Variants in USP50 observed in about 807,000 individuals in gnomAD.
The protein encoded by USP50 is ubiquitin carboxyl-terminal hydrolase 50.
In USP50, 37 loss-of-function variants were observed where a neutral mutation model predicts 39.2. That is an observed-to-expected ratio of 0.94 (90% CI 0.73 to 1.24). USP50 has a LOEUF of 1.24. Ranked by LOEUF, USP50 falls within the 50% of genes most tolerant of loss-of-function variation. The probability of loss-of-function intolerance (pLI) is 0.00; values close to 1 mark genes in which losing one functional copy is unlikely to be tolerated. For missense variants in USP50, 374 were observed against 398.2 expected (o/e 0.94, Z 0.52); for synonymous variants, 139 against 144.5 (o/e 0.96, Z 0.27).
intron 6 of USP50, among the ~76,000 whole-genome samples, chr15:50,522,563 G>A (rs1001077806): frequency 1.1e-4 from 17 of 152,182 alleles, no homozygotes; most frequent in Admixed American, 1.1e-3. Context: ...AGCCAGACAA[G>A]GACAGTACAA....
intron 6 of USP50, among the ~76,000 whole-genome samples, chr15:50,529,553 G>T (rs1232968318): frequency 6.6e-6 from 1 of 152,082 alleles, no homozygotes; most frequent in African/African-American, 2.4e-5. Context: ...AGCACAATTT[G>T]CAGTATCCTT....
chr15:50,525,851 T>C (rs1259561854), intron 6 of USP50, among the ~76,000 whole-genome samples: 1 of 151,572 alleles, frequency 6.6e-6, no homozygotes, highest in Non-Finnish European at 1.5e-5. Flanking sequence ...TTAATATCAT[T>C]AAAGATAACA....
downstream of USP50, chr15:50,499,950 G>C (rs1007742645): frequency 6.6e-6 from 1 of 152,012 alleles, no homozygotes; most frequent in African/African-American, 2.4e-5. Flanking sequence ...AAAAATGCCG[G>C]GAGTCAGGCA....
downstream of USP50, chr15:50,499,280 C>T: frequency 6.9e-6 from 3 of 433,182 alleles, 1 homozygote; most frequent in Non-Finnish European, 1.2e-5. Context: ...CAGTAATCAT[C>T]ACTTACAGGT....
intron 5 of USP50, among the ~76,000 whole-genome samples, chr15:50,530,894 A>G (rs1055401515): frequency 2.0e-5 from 3 of 152,094 alleles, no homozygotes; most frequent in African/African-American, 7.2e-5. Context: ...TCTTGTTTTC[A>G]GCACAGGTAG....
At chr15:50,519,789 T>C (rs747376058) in intron 6 of USP50, among the ~76,000 whole-genome samples, 1 of 151,860 alleles carries the variant, frequency 6.6e-6, no homozygotes, top group Non-Finnish European at 1.5e-5. Flanking sequence ...TAACAAATAC[T>C]GGCAAGGATA....
At chr15:50,496,002 CAT>C, downstream of USP50, 1 of 1,614,002 alleles carries the variant, frequency 6.2e-7, no homozygotes, top group Non-Finnish European at 8.5e-7. Flanking sequence ...CAGTGCCTCA[CAT>C]GTCACAAAAA....
intron 3 of USP50, 36 bp downstream of exon 3, chr15:50,543,562 G>A: frequency 3.8e-6 from 6 of 1,572,722 alleles, no homozygotes; most frequent in African/African-American, 1.3e-5. Flanking sequence ...TAAAGGTTCA[G>A]GACTATCCTA....
intron 6 of USP50, chr15:50,503,525 A>G (rs1204940142): frequency 2.0e-5 from 3 of 152,344 alleles, no homozygotes; most frequent in Middle Eastern, 6.8e-3. Context: ...CAGGACCTTT[A>G]AAGACATTCA....
At chr15:50,523,437 C>T (rs887636319) in intron 6 of USP50, among the ~76,000 whole-genome samples, 5 of 151,696 alleles carry the variant, frequency 3.3e-5, no homozygotes, top group Non-Finnish European at 5.9e-5. Context: ...CCTCCCAAAG[C>T]GCTGGGATTA....
chr15:50,536,590 G>A (rs1459968525), intron 5 of USP50, among the ~76,000 whole-genome samples: 2 of 151,986 alleles, frequency 1.3e-5, no homozygotes, highest in Non-Finnish European at 2.9e-5. Flanking sequence ...GCAGTGAGCC[G>A]AGATCGTGCC....
At chr15:50,495,717 G>A, downstream of USP50, 1 of 681,090 alleles carries the variant, frequency 1.5e-6, no homozygotes, top group Non-Finnish European at 2.4e-6. Flanking sequence ...CACACTCAGT[G>A]AGATCAGAAC....
chr15:50,546,164 G>C (rs1596023119), intron 1 of USP50, among the ~76,000 whole-genome samples: 2 of 152,000 alleles, frequency 1.3e-5, no homozygotes, highest in Admixed American at 6.6e-5. Context: ...GGCTCCATGA[G>C]ACAGTGACCT....
At position 50,500,563 on chromosome 15, in the gene USP50, A is replaced by G; in HGVS notation, c.*206T>C. The G allele has an allele frequency of 4.0e-6, 2 of 502,844 alleles. No homozygotes were observed. Among genetic ancestry groups the G allele is most frequent in the East Asian group, 6.4e-5 (2 of 31,100 alleles). The allele number at this position is 502,844 out of a possible 1,614,324, so 31.1% of individuals were successfully genotyped here. On this transcript the variant is annotated 3_prime_UTR_variant, in exon 7 of 7. Transcript: ENST00000532404. Reference sequence around the variant, plus strand: ...GCATAAAAATGTTAATGATGCAAGTAAGTTCTAAGAGTTTAATGACCAAGC... The same window carrying G: ...GCATAAAAATGTTAATGATGCAAGTGAGTTCTAAGAGTTTAATGACCAAGC...
At chr15:50,505,774 C>CAT (rs2052649665) in intron 6 of USP50, 1 of 152,244 alleles carries the variant, frequency 6.6e-6, no homozygotes, top group South Asian at 2.1e-4. Context: ...GCCTGGGCAA[C>CAT]ATAGTGAGAC....
chr15:50,513,127 G>T (rs187663661), intron 6 of USP50: 47 of 152,258 alleles, frequency 3.1e-4, no homozygotes, highest in Non-Finnish European at 5.6e-4. Context: ...TGATGATCCT[G>T]GTAGGGGTAT....
At chr15:50,537,876 G>A (rs955687014) in intron 5 of USP50, among the ~76,000 whole-genome samples, 7 of 37,750 alleles carry the variant, frequency 1.9e-4, no homozygotes, top group Non-Finnish European at 4.1e-4. Flanking sequence ...GGAGGGGAGG[G>A]AGGGGAGGGG....
chr15:50,499,409 G>C (rs987250364), downstream of USP50: 6 of 183,624 alleles, frequency 3.3e-5, no homozygotes, highest in African/African-American at 1.4e-4. Context: ...CCTTTTCACT[G>C]TTATGGCCTT....
intron 6 of USP50, among the ~76,000 whole-genome samples, chr15:50,516,770 TATAC>T (rs1322347391): frequency 8.4e-6 from 1 of 119,376 alleles, no homozygotes; most frequent in Non-Finnish European, 1.8e-5. Flanking sequence ...TATATATATA[TATAC>T]AGAGTGGTAG....
Sources: gnomAD v4.1 joint callset for allele counts (sites outside exome capture counted in the v4.1 genomes callset) on GRCh38, gnomAD v4.1.1 for gene constraint, MANE v1.5 for transcripts, NCBI Gene and HGNC (gene_info 2026-07-23, HGNC 2026-07-21) for gene names.